Variants in RNF157 observed in about 807,000 individuals in gnomAD.
The protein encoded by RNF157 is ring finger protein 157, also known as E3 ubiquitin ligase RNF157.
RNF157 carries 55 observed loss-of-function variants against 88.3 expected under a neutral mutation model. The ratio of observed to expected loss-of-function variants is 0.62; its 90% CI spans 0.50 to 0.78. The LOEUF is 0.78. RNF157 is among the 30% of genes least tolerant of loss of function. The pLI is 0.00. For synonymous variants in RNF157, 334 were observed against 341.2 expected (o/e 0.98, Z 0.23); for missense variants, 788 against 860.8 (o/e 0.92, Z 1.06).
intron 1 of RNF157, among the ~76,000 whole-genome samples, chr17:76,230,931 T>A (rs559431926): frequency 3.4e-4 from 44 of 131,292 alleles, no homozygotes; most frequent in Non-Finnish European, 5.9e-4. Flanking sequence ...TTAAAAGATT[T>A]AATCTTTTTT....
chr17:76,176,837 C>T lies in RNF157; in HGVS notation c.208-3047G>A, dbSNP rs140604754. 2.9e-4 allele frequency among the ~76,000 whole-genome samples: 44 copies of T among 152,194 alleles called. No homozygotes were observed. In the East Asian group the frequency reaches 4.8e-3, roughly 17 times the overall value. ...AGCTGGGGCCATGCTTCAGGGGCCC[C>T]GGGCAGGAAGTGGGAGCAGCTTCCG... On this transcript the variant is annotated intron_variant, in intron 2 of 18. Transcript: ENST00000269391. This position sits in a 1 kb window ranked among gnomAD's most constrained non-coding sequence, Gnocchi z 4.2.
At chr17:76,158,227 T>A (rs1312907987) in intron 13 of RNF157, among the ~76,000 whole-genome samples, 166 bp downstream of exon 13, 1 of 152,198 alleles carries the variant, frequency 6.6e-6, no homozygotes, top group Non-Finnish European at 1.5e-5. Context: ...ACAGGCTGCA[T>A]ACACTGTTGA....
In RNF157 at chr17:76,154,279, C is replaced by G. The variant is rs1568023599; in HGVS notation, c.1810+4G>C. On this transcript the variant is annotated splice_donor_region_variant and intron_variant, in intron 17 of 18. Coordinates refer to ENST00000269391, the MANE Select transcript of RNF157 (RefSeq NM_052916.3). ...AGGAAGTAAAGGACCAGATCTTTTA[C>G]CACCTTCCTGCGTGGGTGATCCATC... 1 of 1,604,750 alleles carries G rather than the reference C, an allele frequency of 6.2e-7. No individual in the cohort carries two copies. The highest frequency in any genetic ancestry group is 8.5e-7 in the Non-Finnish European group (1 of 1,171,506).
chr17:76,198,240 T>C (rs1260504340), intron 2 of RNF157, among the ~76,000 whole-genome samples: 5 of 151,974 alleles, frequency 3.3e-5, no homozygotes, highest in Non-Finnish European at 7.4e-5. Flanking sequence ...CCTGAGGGTG[T>C]TGGAATACAA....
rs892366213 is a variant in RNF157, at chr17:76,143,026, TG to T, written c.*2208del. On this transcript the variant is annotated 3_prime_UTR_variant, in exon 19 of 19. Coordinates refer to ENST00000269391, the MANE Select transcript of RNF157 (RefSeq NM_052916.3). ...GGGGCAAAAGGGTTGGCCACTGACC[TG>T]TCCTCATCAGGCTGACTGAGGACCA... 1 of 152,258 alleles carries T rather than the reference TG, an allele frequency of 6.6e-6. No individual in the cohort carries two copies. The highest frequency in any genetic ancestry group is 2.4e-5 in the African/African-American group (1 of 41,458). The allele number at this position is 152,258 out of a possible 1,614,324, so 9.4% of individuals were successfully genotyped here.
intron 2 of RNF157, among the ~76,000 whole-genome samples, chr17:76,201,888 T>A (rs950860855): frequency 9.2e-5 from 14 of 152,148 alleles, no homozygotes; most frequent in African/African-American, 3.1e-4. Flanking sequence ...CTACTACAAG[T>A]AATGCTACAA....
chr17:76,232,439 T>C (rs2070209567), intron 1 of RNF157, among the ~76,000 whole-genome samples: 1 of 152,096 alleles, frequency 6.6e-6, no homozygotes, highest in Non-Finnish European at 1.5e-5. Flanking sequence ...CTGAGCAGTG[T>C]TTCATTATAT....
At chr17:76,152,487 TAG>T (rs2068694777) in intron 17 of RNF157, 22 bp from the exon 18 acceptor site, 1 of 1,454,990 alleles carries the variant, frequency 6.9e-7, no homozygotes, top group South Asian at 1.1e-5. Flanking sequence ...TTAATGCAGT[TAG>T]AGAGGGGCTG....
intron 2 of RNF157, among the ~76,000 whole-genome samples, chr17:76,211,034 A>G (rs1173125074): frequency 6.6e-6 from 1 of 152,028 alleles, no homozygotes; most frequent in African/African-American, 2.4e-5. Flanking sequence ...TGAGCTCCCA[A>G]CCTCAGGTGA....
At chr17:76,231,490 A>G (rs550937528) in intron 1 of RNF157, among the ~76,000 whole-genome samples, 1 of 151,864 alleles carries the variant, frequency 6.6e-6, no homozygotes, top group Non-Finnish European at 1.5e-5. Context: ...TAGAGATGAG[A>G]TCTCACCACG....
intron 2 of RNF157, among the ~76,000 whole-genome samples, chr17:76,193,556 G>A (rs1275358673): frequency 1.5e-5 from 2 of 129,588 alleles, no homozygotes; most frequent in African/African-American, 5.8e-5. Context: ...CCCCACCCAC[G>A]GACACATACA....
intron 2 of RNF157, among the ~76,000 whole-genome samples, chr17:76,178,561 A>G (rs756035996): frequency 1.3e-5 from 2 of 152,236 alleles, no homozygotes; most frequent in African/African-American, 4.8e-5. Flanking sequence ...AAGAAGCCCA[A>G]TGTGCCTGAG....
chr17:76,180,650 CTT>C (rs2069174474), intron 2 of RNF157, among the ~76,000 whole-genome samples: 1 of 152,164 alleles, frequency 6.6e-6, no homozygotes, highest in Non-Finnish European at 1.5e-5. Flanking sequence ...GTCTCAAACT[CTT>C]GAGTTCAAGT....
chr17:76,153,090 T>C (rs2144805770), intron 17 of RNF157: 1 of 151,198 alleles, frequency 6.6e-6, no homozygotes, highest in South Asian at 2.1e-4. Flanking sequence ...GTTTTAAAAG[T>C]TGTTTTTTAT....
Position 76,154,273 on chromosome 17 carries a change from CT to C in RNF157, c.1810+9del. The C allele has an allele frequency of 1.7e-5, 27 of 1,598,594 alleles. No individual in the cohort carries two copies. Among genetic ancestry groups the C allele is most frequent in the Non-Finnish European group, 2.2e-5 (26 of 1,165,798 alleles). ...AACTAAAGGAAGTAAAGGACCAGATCTTTTACCACCTTCCTGCGTGGGTGAT... is the reference window on the plus strand; with the variant it reads ...AACTAAAGGAAGTAAAGGACCAGATCTTTACCACCTTCCTGCGTGGGTGAT... On this transcript the variant is annotated intron_variant, in intron 17 of 18. Coordinates refer to ENST00000269391, the MANE Select transcript of RNF157 (RefSeq NM_052916.3).
intron 2 of RNF157, among the ~76,000 whole-genome samples, chr17:76,185,330 T>C (rs958773756): frequency 1.3e-5 from 2 of 152,336 alleles, no homozygotes; most frequent in African/African-American, 4.8e-5. Context: ...GAATTGCTTT[T>C]AGTTGCAAAA....
intron 1 of RNF157, among the ~76,000 whole-genome samples, chr17:76,224,674 C>T (rs975834214): frequency 2.0e-5 from 3 of 151,444 alleles, no homozygotes; most frequent in Admixed American, 6.6e-5. Flanking sequence ...AATGGTCTTA[C>T]GCCACACTTG....
intron 2 of RNF157, among the ~76,000 whole-genome samples, chr17:76,210,522 A>G (rs9895605): frequency 0.58 from 81,555 of 141,050 alleles, 24,352 homozygotes; most frequent in African/African-American, 0.75. Flanking sequence ...CCCGGGAGGC[A>G]GAGCTTTCAG....
intron 2 of RNF157, among the ~76,000 whole-genome samples, chr17:76,178,635 C>T (rs2069142158): frequency 6.6e-6 from 1 of 152,240 alleles, no homozygotes; most frequent in Admixed American, 6.5e-5. Flanking sequence ...CCCCAAAGAT[C>T]ACATAATACT....
Sources: gnomAD v4.1 joint callset for allele counts (sites outside exome capture counted in the v4.1 genomes callset) on GRCh38, gnomAD v4.1.1 for gene constraint, Gnocchi (gnomAD v3.1) non-coding constraint, MANE v1.5 for transcripts, NCBI Gene and HGNC (gene_info 2026-07-23, HGNC 2026-07-21) for gene names.